PIP5K1B: variants seen among roughly 807,000 people sequenced by gnomAD.
The protein encoded by PIP5K1B is phosphatidylinositol-4-phosphate 5-kinase type 1 beta.
A neutral mutation model predicts 67.0 loss-of-function variants in PIP5K1B; 42 were observed. The observed-to-expected ratio is 0.63, with a 90% confidence interval of 0.49 to 0.81. The LOEUF (loss-of-function observed/expected upper bound fraction) is 0.81. Ranked by LOEUF, PIP5K1B falls within the 30% of genes least tolerant of loss-of-function variation. PIP5K1B has a pLI of 0.00. For missense variants in PIP5K1B, 459 were observed against 646.3 expected, an observed-to-expected ratio of 0.71 and a Z score of 3.14; for synonymous variants, 214 against 231.4, an observed-to-expected ratio of 0.92 and a Z score of 0.68.
chr9:68,996,782 G>A (rs1299914919), intron 15 of PIP5K1B, among the ~76,000 whole-genome samples: 4 of 152,140 alleles, frequency 2.6e-5, no homozygotes, highest in African/African-American at 9.7e-5. Flanking sequence ...TGACTAGCTG[G>A]GAATGGCTGG....
chr9:68,934,812 AAAATATTCACTTTT>A, intron 12 of PIP5K1B, 64 bp from the exon 13 acceptor site: 4 of 997,038 alleles, frequency 4.0e-6, no homozygotes, highest in South Asian at 2.4e-5. Flanking sequence ...AATAAATAAT[AAAATATTCACTTTT>A]AAATAAAATA....
intron 8 of PIP5K1B, among the ~76,000 whole-genome samples, chr9:68,904,026 T>C (rs146517106): frequency 2.0e-5 from 3 of 152,304 alleles, no homozygotes; most frequent in East Asian, 3.9e-4. Flanking sequence ...GGTTCTCTCA[T>C]TCATCTTCAC....
intron 2 of PIP5K1B, among the ~76,000 whole-genome samples, chr9:68,805,944 T>TA (rs1832853177): frequency 6.6e-6 from 1 of 152,186 alleles, no homozygotes; most frequent in South Asian, 2.1e-4. Context: ...GCTGTAGCAG[T>TA]ATCTCTGTCT....
intron 14 of PIP5K1B, among the ~76,000 whole-genome samples, chr9:68,963,504 G>GAA (rs5898052): frequency 1.4e-5 from 2 of 144,024 alleles, no homozygotes. Context: ...CTCTGTCTCA[G>GAA]AAAAAAAAAA....
chr9:68,834,584 T>A (rs2027025), intron 4 of PIP5K1B, among the ~76,000 whole-genome samples: 48,198 of 152,042 alleles, frequency 0.32, 7,773 homozygotes, highest in South Asian at 0.39. Flanking sequence ...TATCACTTTT[T>A]TCTTCTTAAT....
intron 2 of PIP5K1B, among the ~76,000 whole-genome samples, chr9:68,754,595 T>C (rs1829831871): frequency 6.6e-6 from 1 of 152,236 alleles, no homozygotes; most frequent in Non-Finnish European, 1.5e-5. Flanking sequence ...TGGCTCTTTC[T>C]AGAAATTAGG....
intron 1 of PIP5K1B, among the ~76,000 whole-genome samples, chr9:68,733,860 G>A (rs12682815): frequency 5.9e-5 from 9 of 151,702 alleles, no homozygotes; most frequent in African/African-American, 2.2e-4. Flanking sequence ...GGCTGGTCTC[G>A]ATCTCTTGAC....
intron 8 of PIP5K1B, among the ~76,000 whole-genome samples, chr9:68,897,722 T>C (rs943389966): frequency 6.6e-6 from 1 of 152,128 alleles, no homozygotes; most frequent in African/African-American, 2.4e-5. Context: ...TCCCAGACCT[T>C]TGGACCCCAG....
At chr9:68,843,927 C>G (rs534829866) in intron 4 of PIP5K1B, among the ~76,000 whole-genome samples, 15 of 152,232 alleles carry the variant, frequency 9.9e-5, no homozygotes, top group Admixed American at 2.6e-4. Flanking sequence ...AGAGGGGAAG[C>G]TGGATGTGTG....
At chr9:68,917,518 A>C (rs1031356321) in intron 8 of PIP5K1B, 30 bp from the exon 9 acceptor site, 6 of 1,555,346 alleles carry the variant, frequency 3.9e-6, no homozygotes, top group Non-Finnish European at 5.3e-6. Context: ...CTTTGGGTTG[A>C]CTGGCTTCCT....
intron 2 of PIP5K1B, among the ~76,000 whole-genome samples, chr9:68,755,571 T>TA (rs1829884996): frequency 6.6e-6 from 1 of 152,262 alleles, no homozygotes; most frequent in African/African-American, 2.4e-5. Context: ...ATAAGCCTGT[T>TA]ACTAGGGATA....
chr9:68,977,638 CAT>C (rs1022510381), intron 14 of PIP5K1B, among the ~76,000 whole-genome samples: 8 of 149,362 alleles, frequency 5.4e-5, no homozygotes, highest in African/African-American at 1.5e-4. Flanking sequence ...ATTTCATAAT[CAT>C]ATAATTATTG....
At chr9:68,877,800 C>G (rs137957282) in intron 6 of PIP5K1B, among the ~76,000 whole-genome samples, 1 of 152,256 alleles carries the variant, frequency 6.6e-6, no homozygotes, top group African/African-American at 2.4e-5. Flanking sequence ...CTAAGAAAAT[C>G]ATATGACTTC....
intron 15 of PIP5K1B, among the ~76,000 whole-genome samples, chr9:68,993,548 C>G (rs1830473028): frequency 6.6e-6 from 1 of 152,114 alleles, no homozygotes; most frequent in South Asian, 2.1e-4. Flanking sequence ...TCCACCCTAC[C>G]ATTGCCCCCG....
intron 4 of PIP5K1B, among the ~76,000 whole-genome samples, chr9:68,831,553 G>T (rs1834321661): frequency 1.3e-5 from 2 of 152,184 alleles, no homozygotes; most frequent in Admixed American, 1.3e-4. Flanking sequence ...TTGTCTGAAT[G>T]CTGTGGTGTC....
chr9:68,780,871 G>T, intron 2 of PIP5K1B: 1 of 1,614,176 alleles, frequency 6.2e-7, no homozygotes, highest in South Asian at 1.1e-5. Flanking sequence ...TCAGATCCTG[G>T]TGTGTGTGTA....
At chr9:68,784,277 A>G (rs1482708571) in intron 2 of PIP5K1B, 1 of 166,840 alleles carries the variant, frequency 6.0e-6, no homozygotes, top group Non-Finnish European at 1.5e-5. Flanking sequence ...GCTAATCTAT[A>G]AACTTTGTGC....
intron 14 of PIP5K1B, among the ~76,000 whole-genome samples, chr9:68,985,346 G>C (rs188405792): frequency 6.6e-6 from 1 of 151,942 alleles, no homozygotes; most frequent in Non-Finnish European, 1.5e-5. Context: ...CCGTCTTCCG[G>C]ATTCAAGCAA....
intron 14 of PIP5K1B, among the ~76,000 whole-genome samples, chr9:68,971,237 A>T (rs775386121): frequency 1.3e-5 from 2 of 152,186 alleles, no homozygotes; most frequent in African/African-American, 2.4e-5. Context: ...GAGTGAGAAC[A>T]TGCAGTGTTT....
Sources: gnomAD v4.1 joint callset for allele counts (sites outside exome capture counted in the v4.1 genomes callset) on GRCh38, gnomAD v4.1.1 for gene constraint, MANE v1.5 for transcripts, NCBI Gene and HGNC (gene_info 2026-07-23, HGNC 2026-07-21) for gene names.